KDM6A: variants seen among roughly 807,000 people sequenced by gnomAD.
KDM6A encodes lysine demethylase 6A.
KDM6A carries 11 observed loss-of-function variants against 117.6 expected under a neutral mutation model. The observed-to-expected ratio is 0.09, with a 90% CI of 0.06 to 0.15. The LOEUF is 0.15. Among genes scored for constraint, KDM6A ranks in the 10% least tolerant of loss-of-function variants. The pLI is 1.00. For synonymous variants in KDM6A, 384 were observed against 396.1 expected (o/e 0.97, Z 0.36); for missense variants, 799 against 1,077.3 (o/e 0.74, Z 3.62).
At chrX:44,880,172 CAAAA>C (rs59578181) in intron 2 of KDM6A, among the ~76,000 whole-genome samples, 1 of 57,759 alleles carries the variant, frequency 1.7e-5, no homozygotes, top group African/African-American at 5.4e-5. Flanking sequence ...GACTTCATCT[CAAAA>C]AAAAAAAAAA....
chrX:44,881,101 G>A (rs2032244720), intron 2 of KDM6A, among the ~76,000 whole-genome samples: 1 of 112,174 alleles, frequency 8.9e-6, no homozygotes, highest in African/African-American at 3.2e-5. Context: ...TTTATTTTGA[G>A]TCTGATTTGG....
At chrX:45,102,213 CTT>C (rs1234072799) in intron 27 of KDM6A, among the ~76,000 whole-genome samples, 5 of 112,083 alleles carry the variant, frequency 4.5e-5, no homozygotes, top group Middle Eastern at 8.4e-3. Flanking sequence ...ACCTGGAACT[CTT>C]ATTAAAATAG....
intron 3 of KDM6A, among the ~76,000 whole-genome samples, chrX:44,962,532 G>A (rs1184203965): frequency 9.0e-6 from 1 of 111,520 alleles, no homozygotes; most frequent in Non-Finnish European, 1.9e-5. Context: ...TACTCCGTTA[G>A]ATATTTTATT....
chrX:44,897,378 C>T (rs1389645969), intron 2 of KDM6A, among the ~76,000 whole-genome samples: 1 of 107,309 alleles, frequency 9.3e-6, no homozygotes, highest in Non-Finnish European at 1.9e-5. Context: ...CTTGTTGAAG[C>T]GTTTTGTTGA....
Position 44,873,502 on chromosome X carries a change from C to T in KDM6A, c.-50C>T, listed in dbSNP as rs768056637. ...AGATTGGGGGCGTCACTGCGGGCCCCGGTCCGAGGGGGGGTGTCGGCGTTG... is the reference window on the plus strand; with the variant it reads ...AGATTGGGGGCGTCACTGCGGGCCCTGGTCCGAGGGGGGGTGTCGGCGTTG... On this transcript the variant is annotated 5_prime_UTR_variant, in exon 1 of 30. Transcript: ENST00000611820. 2 of 1,206,297 alleles carry T rather than the reference C, an allele frequency of 1.7e-6. No homozygotes were observed. The highest frequency in any genetic ancestry group is 3.5e-5 in the South Asian group (2 of 56,786).
chrX:44,997,655 C>T (rs762941000), intron 4 of KDM6A, among the ~76,000 whole-genome samples: 2 of 111,838 alleles, frequency 1.8e-5, no homozygotes, highest in African/African-American at 3.3e-5. Context: ...CACTTCCCTT[C>T]TCCCATTCTG....
intron 2 of KDM6A, among the ~76,000 whole-genome samples, chrX:44,956,581 T>A (rs1045897564): frequency 9.0e-6 from 1 of 110,518 alleles, no homozygotes; most frequent in African/African-American, 3.3e-5. Context: ...TTTTTTTAAT[T>A]TTTGTAGAGA....
intron 6 of KDM6A, among the ~76,000 whole-genome samples, chrX:45,034,120 C>A (rs956310603): frequency 9.0e-6 from 1 of 110,870 alleles, no homozygotes; most frequent in Non-Finnish European, 1.9e-5. Context: ...GAGATTTACT[C>A]ATCTTTTTTA....
chrX:45,052,470 A>G (rs2043896735), intron 9 of KDM6A, among the ~76,000 whole-genome samples: 1 of 111,945 alleles, frequency 8.9e-6, no homozygotes, highest in African/African-American at 3.2e-5. Context: ...CTATTTTTAC[A>G]TAGTTTTAAA....
chrX:45,040,497 C>T (rs1238353867), intron 8 of KDM6A, among the ~76,000 whole-genome samples: 1 of 74,088 alleles, frequency 1.3e-5, no homozygotes, highest in Non-Finnish European at 2.6e-5. Context: ...AGGCGGGGGG[C>T]TGACCCCCCC....
intron 28 of KDM6A, among the ~76,000 whole-genome samples, chrX:45,108,035 G>T (rs1324150714): frequency 2.7e-5 from 3 of 111,830 alleles, no homozygotes; most frequent in Non-Finnish European, 5.6e-5. Flanking sequence ...TAATTGTAAT[G>T]TACATGAGAC....
At chrX:45,043,612 A>C (rs746813981) in intron 8 of KDM6A, among the ~76,000 whole-genome samples, 28 of 110,993 alleles carry the variant, frequency 2.5e-4, no homozygotes, top group Admixed American at 9.6e-5. Flanking sequence ...CCCTGTTTCT[A>C]CTAAAAATTA....
Position 44,984,892 on chromosome X carries a change from C to T in KDM6A, c.384+10177C>T, listed in dbSNP as rs1397766061. ...TTGGCTTAGGATTGACTTGGCAACG[C>T]GGGCTCTTTTTTGGTTCCATATGAA... On this transcript the variant is annotated intron_variant, in intron 4 of 29. Coordinates refer to ENST00000611820, the MANE Select transcript of KDM6A (RefSeq NM_001291415.2). Among the ~76,000 whole-genome samples, 26 of 111,217 alleles carry T rather than the reference C, an allele frequency of 2.3e-4. 1 individual carries two copies. In the Admixed American group the frequency reaches 2.4e-3, roughly 10 times the overall value.
intron 2 of KDM6A, among the ~76,000 whole-genome samples, chrX:44,950,284 G>C (rs2037914071): frequency 9.0e-6 from 1 of 111,555 alleles, no homozygotes; most frequent in South Asian, 3.7e-4. Flanking sequence ...AAAGTGCTGG[G>C]ATTACTTTAC....
chrX:44,881,928 T>TC (rs1344562920), intron 2 of KDM6A, among the ~76,000 whole-genome samples: 2 of 110,476 alleles, frequency 1.8e-5, no homozygotes, highest in African/African-American at 6.6e-5. Context: ...CCTCAGTTGA[T>TC]CCCCCCGCGT....
chrX:45,020,577 A>C, intron 5 of KDM6A, 33 bp from the exon 6 acceptor site: 1 of 1,197,056 alleles, frequency 8.4e-7, no homozygotes, highest in Non-Finnish European at 1.1e-6. Context: ...ACGTGTTAAA[A>C]AGTTAAGATA....
intron 8 of KDM6A, among the ~76,000 whole-genome samples, chrX:45,043,847 C>A (rs994149427): frequency 8.9e-6 from 1 of 111,933 alleles, no homozygotes; most frequent in East Asian, 2.8e-4. Context: ...GATAACTTTG[C>A]TTCTCTGTAC....
intron 6 of KDM6A, among the ~76,000 whole-genome samples, chrX:45,031,922 TAAAAC>T (rs1358871367): frequency 4.5e-5 from 5 of 111,464 alleles, no homozygotes; most frequent in African/African-American, 6.5e-5. Context: ...TGAAGGCTTT[TAAAAC>T]AAAAGGTGAC....
At chrX:45,007,095 A>C (rs1316656731) in intron 4 of KDM6A, among the ~76,000 whole-genome samples, 1 of 112,181 alleles carries the variant, frequency 8.9e-6, no homozygotes, top group South Asian at 3.7e-4. Context: ...GCACAGATCA[A>C]GACAACAGTT....
Sources: allele counts gnomAD v4.1 joint callset (sites outside exome capture counted in the v4.1 genomes callset), GRCh38; gene constraint gnomAD v4.1.1; transcripts MANE v1.5; gene names NCBI Gene and HGNC (gene_info 2026-07-23, HGNC 2026-07-21).